Variants in RERE observed in about 807,000 individuals in gnomAD.
RERE encodes the protein arginine-glutamic acid dipeptide repeats protein.
In RERE, 40 loss-of-function variants were observed where a neutral mutation model predicts 146.1. The ratio of observed to expected loss-of-function variants is 0.27; its 90% CI spans 0.21 to 0.36. The LOEUF (loss-of-function observed/expected upper bound fraction) is 0.36, where lower values mean the gene tolerates loss of function less well. Among genes scored for constraint, RERE ranks in the 10% least tolerant of loss-of-function variants. The probability of loss-of-function intolerance (pLI) is 1.00; values close to 1 mark genes in which losing one functional copy is unlikely to be tolerated. For synonymous variants in RERE, 1,003 were observed against 866.0 expected (o/e 1.16, Z -2.78); for missense variants, 1,933 against 2,138.7 (o/e 0.90, Z 1.90).
At chr1:8,592,133 C>T (rs1011900068) in intron 4 of RERE, among the ~76,000 whole-genome samples, 1 of 152,186 alleles carries the variant, frequency 6.6e-6, no homozygotes, top group Non-Finnish European at 1.5e-5. Flanking sequence ...AAAACATCAA[C>T]AATTTAACTA....
chr1:8,697,113 T>C (rs1639349123), intron 1 of RERE, among the ~76,000 whole-genome samples: 2 of 152,148 alleles, frequency 1.3e-5, no homozygotes, highest in Non-Finnish European at 2.9e-5. Flanking sequence ...TTACTGAACA[T>C]TTACTCTAAC....
intron 7 of RERE, among the ~76,000 whole-genome samples, chr1:8,534,782 A>G (rs1314927949): frequency 6.6e-6 from 1 of 152,246 alleles, no homozygotes; most frequent in African/African-American, 2.4e-5. Context: ...GACACCGTAC[A>G]ATGGCAAAAC....
intron 1 of RERE, among the ~76,000 whole-genome samples, chr1:8,746,779 G>A (rs1181177705): frequency 1.3e-5 from 2 of 150,236 alleles, no homozygotes; most frequent in South Asian, 2.1e-4. Flanking sequence ...GTGTGGCTGG[G>A]GCAAGCAAGT....
intron 12 of RERE, among the ~76,000 whole-genome samples, chr1:8,414,439 C>T (rs1013443952): frequency 3.9e-5 from 6 of 152,026 alleles, no homozygotes; most frequent in Admixed American, 1.3e-4. Context: ...GCCTGTAGTC[C>T]TAGCTACTTG....
At chr1:8,396,732 T>C (rs1557609311) in intron 12 of RERE, among the ~76,000 whole-genome samples, 1 of 152,152 alleles carries the variant, frequency 6.6e-6, no homozygotes, top group Non-Finnish European at 1.5e-5. Flanking sequence ...AGTTAATACA[T>C]CTACAATGCG....
intron 2 of RERE, among the ~76,000 whole-genome samples, chr1:8,640,802 C>G (rs2124282705): frequency 6.6e-6 from 1 of 152,306 alleles, no homozygotes; most frequent in East Asian, 1.9e-4. Flanking sequence ...CTTCTCCCAT[C>G]TATCTCTGGT....
intron 1 of RERE, among the ~76,000 whole-genome samples, chr1:8,679,126 T>C (rs1490744446): frequency 6.6e-6 from 1 of 152,214 alleles, no homozygotes; most frequent in Non-Finnish European, 1.5e-5. Context: ...GATCTAAAGC[T>C]AAATGTATGG....
At chr1:8,498,050 A>G (rs1056038542) in intron 8 of RERE, among the ~76,000 whole-genome samples, 2 of 152,272 alleles carry the variant, frequency 1.3e-5, no homozygotes, top group Non-Finnish European at 2.9e-5. Context: ...CTAGATGAGT[A>G]TTAAGTAAAC....
At chr1:8,382,984 CT>C (rs1302214727) in intron 12 of RERE, among the ~76,000 whole-genome samples, 11 of 148,402 alleles carry the variant, frequency 7.4e-5, no homozygotes, top group Non-Finnish European at 1.6e-4. Flanking sequence ...CTAAGTTCAC[CT>C]TAAAGGACTA....
chr1:8,786,306 T>C (rs1003767169), intron 1 of RERE: 12 of 904,998 alleles, frequency 1.3e-5, no homozygotes. Context: ...GAGAAAATAA[T>C]TTGAAGGGCC....
chr1:8,607,318 C>T (rs1570503656), intron 4 of RERE, among the ~76,000 whole-genome samples: 1 of 150,470 alleles, frequency 6.6e-6, no homozygotes, highest in East Asian at 2.0e-4. Context: ...CATTATCAGG[C>T]CACTGCACTC....
chr1:8,642,967 G>A (rs1167083260), intron 2 of RERE, among the ~76,000 whole-genome samples: 2 of 152,190 alleles, frequency 1.3e-5, no homozygotes, highest in African/African-American at 2.4e-5. Context: ...TAGGGAATGA[G>A]TAAGTGCCTA....
Position 8,495,206 on chromosome 1 carries a change from C to T in RERE, c.1005-44G>A, listed in dbSNP as rs772258893. On this transcript the variant is annotated intron_variant, in intron 9 of 22. Coordinates refer to ENST00000400908, the MANE Select transcript of RERE (RefSeq NM_001042681.2). ...TTCCTTTATTAGTACATAGTAATAT[C>T]AGGACAGAGACTTAGACCTTCAATT... The T allele has an allele frequency of 9.3e-6, 13 of 1,390,848 alleles. No individual in the cohort carries two copies. The South Asian group carries it at 1.3e-4, about 14-fold the overall frequency. The allele number at this position is 1,390,848 out of a possible 1,614,324, so 86.2% of individuals were successfully genotyped here.
intron 4 of RERE, among the ~76,000 whole-genome samples, chr1:8,571,560 A>C (rs1483731603): frequency 6.6e-6 from 1 of 152,250 alleles, no homozygotes; most frequent in Non-Finnish European, 1.5e-5. Flanking sequence ...ATCAGCAGGA[A>C]CACTAAAAAA....
At chr1:8,412,698 C>T (rs1473163584) in intron 12 of RERE, among the ~76,000 whole-genome samples, 1 of 152,200 alleles carries the variant, frequency 6.6e-6, no homozygotes, top group Non-Finnish European at 1.5e-5. Flanking sequence ...AACCGCTGCG[C>T]AAACAGGAGA....
chr1:8,516,204 G>T (rs1001907629), intron 7 of RERE, among the ~76,000 whole-genome samples: 3 of 120,028 alleles, frequency 2.5e-5, no homozygotes, highest in African/African-American at 1.0e-4. Flanking sequence ...CAGCCTGGGG[G>T]ACGGAGCAAG....
At chr1:8,426,850 T>C (rs562623854) in intron 11 of RERE, among the ~76,000 whole-genome samples, 1 of 152,258 alleles carries the variant, frequency 6.6e-6, no homozygotes, top group East Asian at 1.9e-4. Flanking sequence ...TCAAAATCTC[T>C]CCTACTCCCA....
intron 1 of RERE, among the ~76,000 whole-genome samples, chr1:8,710,733 T>A (rs1427848202): frequency 1.3e-5 from 2 of 152,134 alleles, no homozygotes; most frequent in Non-Finnish European, 2.9e-5. Context: ...GCCAGGACGG[T>A]CTCAATCTCC....
intron 2 of RERE, among the ~76,000 whole-genome samples, chr1:8,644,117 T>C (rs1647223302): frequency 1.3e-5 from 2 of 152,226 alleles, no homozygotes; most frequent in Admixed American, 1.3e-4. Flanking sequence ...CCACATCTAT[T>C]TCCCCTACCA....
Sources: allele counts gnomAD v4.1 joint callset (sites outside exome capture counted in the v4.1 genomes callset), GRCh38; gene constraint gnomAD v4.1.1; transcripts MANE v1.5; gene names NCBI Gene and HGNC (gene_info 2026-07-23, HGNC 2026-07-21).